The following MROH2A variants were observed in gnomAD, a reference collection of about 807,000 sequenced individuals.
MROH2A encodes maestro heat like repeat family member 2A.
Under a neutral mutation model 200.4 loss-of-function variants are expected in MROH2A, and 174 were observed. That is an observed-to-expected ratio of 0.87 (90% CI 0.77 to 0.98). The LOEUF is 0.98. MROH2A is among the 50% of genes least tolerant of loss of function. MROH2A has a pLI of 0.00. For missense variants in MROH2A, 2,045 were observed against 2,139.6 expected (o/e 0.96, Z 0.87); for synonymous variants, 829 against 840.4 (o/e 0.99, Z 0.23).
At chr2:233,827,973 G>A (rs1704429554) in intron 35 of MROH2A, among the ~76,000 whole-genome samples, 1 of 152,162 alleles carries the variant, frequency 6.6e-6, no homozygotes, top group African/African-American at 2.4e-5. Context: ...GCTGTAGGAA[G>A]CTCCTGTGAT....
chr2:233,789,974 A>G lies in MROH2A; in HGVS notation c.531A>G (p.Glu177=), dbSNP rs1394099122. The G allele has an allele frequency of 1.3e-6, 2 of 1,550,208 alleles. No individual in the cohort carries two copies. The highest frequency in any genetic ancestry group is 1.7e-6 in the Non-Finnish European group (2 of 1,146,872). The change falls in exon 5 of 42, where the codon GAA becomes GAG. Residue 177 remains glutamate, a synonymous_variant. Coordinates refer to ENST00000389758, the MANE Select transcript of MROH2A (RefSeq NM_001394639.1). Reference sequence around the variant, plus strand: ...TCAAGCCCCTCAACCTCACTGATGAATTTGTCATCATCACACTGGCCAAGC... The same window carrying G: ...TCAAGCCCCTCAACCTCACTGATGAGTTTGTCATCATCACACTGGCCAAGC... The part of the protein sequence containing the change: ...HHLKPLNLTD[E]FVIITLAKLA...
intron 22 of MROH2A, 107 bp downstream of exon 22, chr2:233,809,385 C>T (rs1703008629): frequency 8.0e-7 from 1 of 1,242,926 alleles, no homozygotes; most frequent in Non-Finnish European, 1.1e-6. Flanking sequence ...GACATCCAGG[C>T]ATCTTACCTG....
chr2:233,780,518 G>A (rs6728940), intron 3 of MROH2A, among the ~76,000 whole-genome samples: 40,586 of 152,146 alleles, frequency 0.27, 6,472 homozygotes, highest in East Asian at 0.56. Context: ...GGGGTGCTAT[G>A]AGCAGAGGAG....
chr2:233,799,066 G>A (rs909160400), intron 12 of MROH2A, among the ~76,000 whole-genome samples: 1 of 152,170 alleles, frequency 6.6e-6, no homozygotes, highest in African/African-American at 2.4e-5. Flanking sequence ...TGAGTGGTGT[G>A]TCTCAGGCAC....
chr2:233,817,974 G>A lies in MROH2A; in HGVS notation c.2962-28G>A, dbSNP rs138469740. ...CAGGTGTGCATGAGAGCACAGAGGT[G>A]TGAGCCCCACGGTCTCCTGTCCCTC... On this transcript the variant is annotated intron_variant, in intron 27 of 41. Coordinates refer to ENST00000389758, the MANE Select transcript of MROH2A (RefSeq NM_001394639.1). 4.9e-5 allele frequency: 76 copies of A among 1,550,448 alleles called. No homozygotes were observed. In the African/African-American group the frequency reaches 8.2e-4, roughly 17 times the overall value.
At chr2:233,806,656 G>A (rs1014817388) in intron 19 of MROH2A, among the ~76,000 whole-genome samples, 2 of 152,112 alleles carry the variant, frequency 1.3e-5, no homozygotes, top group East Asian at 1.9e-4. Flanking sequence ...GTGCGCTTAG[G>A]TTTGTTGGAG....
Position 233,809,261 on chromosome 2 carries a change from T to C in MROH2A, c.2431T>C (p.Tyr811His), listed in dbSNP as rs1001581287. ...SPITAKIIHH[Y>H]VSSCQDICLK... ...CATCACCGCTAAGATCATTCACCAT[T>C]ATGTCAGCAGCTGCCAGGTAGCCCC... Residue 811 changes from tyrosine to histidine, a missense_variant, in exon 22 of 42, where the codon TAT (tyrosine) becomes CAT (histidine). Transcript: ENST00000389758. The C allele has an allele frequency of 6.5e-7, 1 of 1,550,210 alleles. No homozygotes were observed. The highest frequency in any genetic ancestry group is 1.4e-5 in the African/African-American group (1 of 73,042).
chr2:233,828,752 C>T lies in MROH2A; in HGVS notation c.4236C>T (p.Gly1412=). The change falls in exon 36 of 42, where the codon GGC becomes GGT. Residue 1412 remains glycine (G), a synonymous_variant. Transcript: ENST00000389758. The surrounding 1 kb of genome is among the most constrained non-coding windows in gnomAD (Gnocchi z 4.6). ...ALRVLSLRAL[G]NMALGAPKKV... ...GGGTGCTGTCCCTGCGCGCCCTCGG[C>T]AACATGGCCCTGGGCGCCCCCAAGA... 1 of 1,550,426 alleles carries T rather than the reference C, an allele frequency of 6.4e-7. No homozygotes were observed. Among genetic ancestry groups the T allele is most frequent in the Non-Finnish European group, 8.7e-7 (1 of 1,146,888 alleles).
chr2:233,812,577 A>T (rs139814817), intron 24 of MROH2A, among the ~76,000 whole-genome samples: 4 of 152,352 alleles, frequency 2.6e-5, no homozygotes, highest in African/African-American at 9.6e-5. Flanking sequence ...AATGTCATGA[A>T]CATCAACTAA....
intron 5 of MROH2A, among the ~76,000 whole-genome samples, chr2:233,792,498 GA>G (rs1701840936): frequency 6.6e-6 from 1 of 151,924 alleles, no homozygotes; most frequent in Non-Finnish European, 1.5e-5. Flanking sequence ...ATTTTTAGTA[GA>G]GACGGGGTTT....
Position 233,783,156 on chromosome 2 carries a change from C to G in MROH2A, c.276+3304C>G, listed in dbSNP as rs114846447. On this transcript the variant is annotated intron_variant, in intron 3 of 41. Transcript: ENST00000389758. ...TGGATTTCTGCATCTATGTTCATCACAGATATTGGCCTGTAGTTTTCTTTT... is the reference window on the plus strand; with the variant it reads ...TGGATTTCTGCATCTATGTTCATCAGAGATATTGGCCTGTAGTTTTCTTTT... 3.1e-3 allele frequency among the ~76,000 whole-genome samples: 479 copies of G among 152,242 alleles called. 4 individuals are homozygous for G. The highest frequency in any genetic ancestry group is 5.3e-3 in the Non-Finnish European group (357 of 67,992).
chr2:233,780,801 A>G (rs191175613), intron 3 of MROH2A, among the ~76,000 whole-genome samples: 90 of 152,304 alleles, frequency 5.9e-4, no homozygotes, highest in African/African-American at 2.2e-3. Flanking sequence ...CTATATTCAC[A>G]ACCTACAGTG....
intron 12 of MROH2A, 131 bp downstream of exon 12, chr2:233,798,981 C>A (rs981173550): frequency 4.2e-6 from 3 of 714,970 alleles, no homozygotes; most frequent in Non-Finnish European, 7.4e-6. Flanking sequence ...TCGACTGGGG[C>A]TGCAGAATGG....
In MROH2A at chr2:233,795,700, C is replaced by T. The variant is rs779847448; in HGVS notation, c.1014C>T (p.Val338=). 2.7e-5 allele frequency: 42 copies of T among 1,550,984 alleles called. No individual in the cohort carries two copies. Among genetic ancestry groups the T allele is most frequent in the Non-Finnish European group, 3.1e-5 (35 of 1,147,030 alleles). ...LELSVTTNTP[V]PQMQLHTIFT... ...TGTCAGTCACCACCAACACCCCTGTCCCCCAAATGCAGCTACACACCATTT... is the reference window on the plus strand; with the variant it reads ...TGTCAGTCACCACCAACACCCCTGTTCCCCAAATGCAGCTACACACCATTT... Residue 338 remains valine (V), a synonymous_variant, in exon 9 of 42, where the codon GTC becomes GTT. Coordinates refer to ENST00000389758, the MANE Select transcript of MROH2A (RefSeq NM_001394639.1).
In MROH2A at chr2:233,828,650, G is replaced by A. The variant is rs750765399; in HGVS notation, c.4134G>A (p.Leu1378=). The A allele has an allele frequency of 1.2e-5, 18 of 1,550,850 alleles. 1 individual carries two copies. The Admixed American group carries it at 2.0e-4, about 17-fold the overall frequency. The change falls in exon 36 of 42, where the codon CTG becomes CTA. Residue 1378 remains leucine, a synonymous_variant. Transcript: ENST00000389758. This position sits in a 1 kb window ranked among gnomAD's most constrained non-coding sequence, Gnocchi z 4.6. ...TAVCFMSGPV[L]YQEKLLKPAA... ...TCCAGTTCATGAGCGGCCCAGTTCT[G>A]TACCAGGAGAAGCTGCTGAAGCCGG...
At chr2:233,786,125 A>C (rs571357927) in intron 3 of MROH2A, among the ~76,000 whole-genome samples, 16 of 152,190 alleles carry the variant, frequency 1.1e-4, no homozygotes, top group African/African-American at 3.9e-4. Context: ...CTTGGCTCTC[A>C]TTCTCTCTTG....
intron 33 of MROH2A, 63 bp from the exon 34 acceptor site, chr2:233,822,818 C>T (rs1704036452): frequency 1.3e-6 from 2 of 1,529,518 alleles, no homozygotes; most frequent in South Asian, 2.4e-5. Flanking sequence ...CAGATTGCAG[C>T]AGCCTCCCCA....
In MROH2A at chr2:233,823,012, T is replaced by C; in HGVS notation, c.3998T>C (p.Leu1333Pro). 6.5e-7 allele frequency: 1 copy of C among 1,550,230 alleles called. No homozygotes were observed. Among genetic ancestry groups the C allele is most frequent in the Non-Finnish European group, 8.7e-7 (1 of 1,146,920 alleles). ...ACATTCCTGGAGGGTGTGAGCCTGC[T>C]GGCCAGGTGGGCCCTGGCTCCCACA... ...GGTFLEGVSL[L>P]ARLCMQHVEG... Residue 1333 changes from leucine (L) to proline (P), a missense_variant, in exon 34 of 42, where the codon CTG becomes CCG. Transcript: ENST00000389758.
In MROH2A at chr2:233,796,834, G is replaced by A. The variant is rs551352143; in HGVS notation, c.1252+521G>A. Among the ~76,000 whole-genome samples the A allele has an allele frequency of 5.9e-5, 9 of 152,304 alleles. No homozygotes were observed. In the East Asian group the frequency reaches 7.7e-4, roughly 13 times the overall value. ...GGTTAGAAGAGCATGGGCAGCTCCC[G>A]CTCAGCCCTAAAGTTGGGTAGCTTT... On this transcript the variant is annotated intron_variant, in intron 11 of 41. Transcript: ENST00000389758.
Sources: allele counts gnomAD v4.1 joint callset (sites outside exome capture counted in the v4.1 genomes callset), GRCh38; gene constraint gnomAD v4.1.1; non-coding constraint Gnocchi (gnomAD v3.1); transcripts MANE v1.5; gene names NCBI Gene and HGNC (gene_info 2026-07-23, HGNC 2026-07-21).